The following SEC22C variants were observed in gnomAD, a reference collection of about 807,000 sequenced individuals.
The protein encoded by SEC22C is SEC22 homolog C, vesicle trafficking protein.
Under a neutral mutation model 34.7 loss-of-function variants are expected in SEC22C, and 29 were observed. The observed-to-expected ratio is 0.84, with a 90% CI of 0.62 to 1.14. SEC22C has a LOEUF of 1.14. SEC22C is among the 50% of genes most tolerant of loss of function. SEC22C has a pLI of 0.00. For synonymous variants in SEC22C, 117 were observed against 132.8 expected, an observed-to-expected ratio of 0.88 and a Z score of 0.82; for missense variants, 337 against 369.0, an observed-to-expected ratio of 0.91 and a Z score of 0.71.
At chr3:42,591,781 CG>C (rs1704857202) in intron 1 of SEC22C, among the ~76,000 whole-genome samples, 1 of 152,190 alleles carries the variant, frequency 6.6e-6, no homozygotes, top group Non-Finnish European at 1.5e-5. Context: ...GAGTACACTG[CG>C]GAGCCTGGAG....
chr3:42,554,737 A>C (rs537361504), intron 6 of SEC22C, among the ~76,000 whole-genome samples: 6 of 152,278 alleles, frequency 3.9e-5, no homozygotes, highest in Non-Finnish European at 8.8e-5. Context: ...AGGGAGAAAA[A>C]ATATGTATTC....
intron 1 of SEC22C, chr3:42,590,922 T>C: frequency 7.4e-7 from 1 of 1,343,406 alleles, no homozygotes; most frequent in Non-Finnish European, 9.8e-7. Flanking sequence ...CGTACCGGAC[T>C]GGCTGAGGGG....
intron 1 of SEC22C, among the ~76,000 whole-genome samples, chr3:42,597,732 T>C (rs1392792731): frequency 6.6e-6 from 1 of 152,208 alleles, no homozygotes; most frequent in Non-Finnish European, 1.5e-5. Context: ...TTTAAGCTCA[T>C]TGGCTATTGT....
At chr3:42,554,925 T>C (rs1380075010) in intron 6 of SEC22C, among the ~76,000 whole-genome samples, 3 of 152,176 alleles carry the variant, frequency 2.0e-5, no homozygotes, top group African/African-American at 2.4e-5. Context: ...GTTCTAATGT[T>C]TGCTTCAGTT....
rs921231549 is a variant in SEC22C, at chr3:42,551,260, G to A, written c.*1988C>T. 1 of 985,342 alleles carries A rather than the reference G, an allele frequency of 1.0e-6. No homozygotes were observed. 61.0% of individuals were successfully genotyped at this position (985,342 alleles called of 1,614,324 possible). On this transcript the variant is annotated 3_prime_UTR_variant, in exon 7 of 7. Coordinates refer to ENST00000264454, the MANE Select transcript of SEC22C (RefSeq NM_032970.4). The stretch of plus-strand genomic sequence containing the variant: ...GAAAAACTGAAAATTCACCTGCTGG[G>A]TATGCAGAAAATTATGCAGATGTGA...
intron 1 of SEC22C, chr3:42,579,607 C>CAAAAAAAAAAAAAAAA (rs1279147159): frequency 1.2e-5 from 1 of 85,784 alleles, no homozygotes; most frequent in Non-Finnish European, 2.7e-5. Context: ...TCTCAAAAAA[C>CAAAAAAAAAAAAAAAA]AAAAAAAAAA....
In SEC22C at chr3:42,549,524, G is replaced by C. The variant is rs1702146548; in HGVS notation, c.*3724C>G. On this transcript the variant is annotated 3_prime_UTR_variant, in exon 7 of 7. Coordinates refer to ENST00000264454, the MANE Select transcript of SEC22C (RefSeq NM_032970.4). ...CACAGCCAGCCTTGCTGGCCTGCTG[G>C]CTATTGTCTCTGACTCTGAGCTGTG... 1 of 985,022 alleles carries C rather than the reference G, an allele frequency of 1.0e-6. No homozygotes were observed. The highest frequency in any genetic ancestry group is 1.8e-5 in the African/African-American group (1 of 56,874). 61.0% of individuals were successfully genotyped at this position (985,022 alleles called of 1,614,324 possible).
chr3:42,594,653 C>T (rs926492581), intron 1 of SEC22C: 38 of 603,860 alleles, frequency 6.3e-5, no homozygotes, highest in South Asian at 5.4e-4. Flanking sequence ...TCTTTCGAAA[C>T]GTGAAAATGT....
chr3:42,591,415 G>A, intron 1 of SEC22C: 1 of 790,044 alleles, frequency 1.3e-6, no homozygotes, highest in East Asian at 2.5e-5. Context: ...GGCTAGTCTC[G>A]AACTCCTGAC....
Position 42,555,997 on chromosome 3 carries a change from T to G in SEC22C, c.646-2A>C. The G allele has an allele frequency of 1.9e-6, 3 of 1,610,516 alleles. No individual in the cohort carries two copies. The highest frequency in any genetic ancestry group is 2.5e-6 in the Non-Finnish European group (3 of 1,177,308). On this transcript the variant is annotated splice_acceptor_variant, in intron 5 of 6. Coordinates refer to ENST00000264454, the MANE Select transcript of SEC22C (RefSeq NM_032970.4). LOFTEE classifies it high-confidence loss of function. ...GTTTCCAATTTCCTCATGGGCAACC[T>G]AAAACAAATACAAGGAACACAAGGA...
chr3:42,557,231 C>A (rs988007012), intron 5 of SEC22C, among the ~76,000 whole-genome samples: 9 of 152,080 alleles, frequency 5.9e-5, no homozygotes, highest in Non-Finnish European at 1.2e-4. Context: ...GAAAAAGAAC[C>A]TGAACCTTAA....
intron 1 of SEC22C, among the ~76,000 whole-genome samples, chr3:42,600,199 G>A (rs1411448972): frequency 6.6e-6 from 1 of 152,164 alleles, no homozygotes; most frequent in African/African-American, 2.4e-5. Flanking sequence ...TGCCAGTGAC[G>A]CTGGTGCCAA....
chr3:42,557,529 A>C, intron 5 of SEC22C, 49 bp downstream of exon 5: 273 of 775,182 alleles, frequency 3.5e-4, no homozygotes, highest in Non-Finnish European at 5.0e-4. Context: ...ACTTTCTTCT[A>C]TCATATGTCC....
Position 42,561,274 on chromosome 3 carries a change from C to T in SEC22C, c.369G>A (p.Lys123=). 3 of 1,614,244 alleles carry T rather than the reference C, an allele frequency of 1.9e-6. No individual in the cohort carries two copies. The highest frequency in any genetic ancestry group is 2.5e-6 in the Non-Finnish European group (3 of 1,180,038). The change falls in exon 4 of 7, where the codon AAG becomes AAA. Residue 123 remains lysine, a synonymous_variant. Transcript: ENST00000264454. Reference sequence around the variant, plus strand: ...AGGAACTTACATAGTTAAAATGCCACTTCACTTTCTGAATGATGCTGTCTG... The same window carrying T: ...AGGAACTTACATAGTTAAAATGCCATTTCACTTTCTGAATGATGCTGTCTG... ...LEFDSIIQKV[K]WHFNYVSSSQ... is the part of the protein sequence containing the mutation.
At chr3:42,590,536 G>A (rs1028979922) in intron 1 of SEC22C, among the ~76,000 whole-genome samples, 1 of 151,768 alleles carries the variant, frequency 6.6e-6, no homozygotes, top group Non-Finnish European at 1.5e-5. Context: ...GCAGTGAGCT[G>A]AGATGCGCCA....
intron 1 of SEC22C, chr3:42,590,903 G>A (rs1214588598): frequency 1.9e-6 from 3 of 1,613,886 alleles, no homozygotes; most frequent in East Asian, 2.2e-5. Flanking sequence ...TCGGGATGTC[G>A]GTGGCCTTCG....
At chr3:42,563,799 T>A (rs1013702733) in intron 2 of SEC22C, 113 bp from the exon 3 acceptor site, 10 of 1,554,636 alleles carry the variant, frequency 6.4e-6, no homozygotes, top group Non-Finnish European at 8.7e-6. Context: ...TAAACAGTCC[T>A]GTAGCTGTTT....
At chr3:42,562,873 C>T (rs1482713025) in intron 3 of SEC22C, among the ~76,000 whole-genome samples, 1 of 152,164 alleles carries the variant, frequency 6.6e-6, no homozygotes, top group African/African-American at 2.4e-5. Flanking sequence ...ACTTCTGGGT[C>T]AAGGAACTGT....
chr3:42,552,661 T>C lies in SEC22C; in HGVS notation c.*587A>G, dbSNP rs1407911330. 1 of 983,662 alleles carries C rather than the reference T, an allele frequency of 1.0e-6. No homozygotes were observed. Among genetic ancestry groups the C allele is most frequent in the African/African-American group, 1.7e-5 (1 of 57,196 alleles). The allele number at this position is 983,662 out of a possible 1,614,324, so 60.9% of individuals were successfully genotyped here. A position where few individuals can be genotyped will look rare whatever the true frequency, so the allele number is the denominator to read the frequency against. ...AGCTTAAGTTTGCCCTCACCCTAAA[T>C]GAAGTCCAATTTATATCCAAAATAT... is the stretch of plus-strand genomic sequence containing the variant. On this transcript the variant is annotated 3_prime_UTR_variant, in exon 7 of 7. Transcript: ENST00000264454.
Sources: gnomAD v4.1 joint callset for allele counts (sites outside exome capture counted in the v4.1 genomes callset) on GRCh38, gnomAD v4.1.1 for gene constraint, MANE v1.5 for transcripts, NCBI Gene and HGNC (gene_info 2026-07-23, HGNC 2026-07-21) for gene names.